The following PLEKHA8 variants were observed in gnomAD, a reference collection of about 807,000 sequenced individuals.
The protein encoded by PLEKHA8 is pleckstrin homology domain-containing family A member 8.
A neutral mutation model predicts 68.2 loss-of-function variants in PLEKHA8; 36 were observed. The ratio of observed to expected loss-of-function variants is 0.53; its 90% CI spans 0.40 to 0.70. The LOEUF (loss-of-function observed/expected upper bound fraction) is 0.70. Ranked by LOEUF, PLEKHA8 falls within the 30% of genes least tolerant of loss-of-function variation. The probability of loss-of-function intolerance (pLI) is 0.00; values close to 1 mark genes in which losing one functional copy is unlikely to be tolerated. For synonymous variants in PLEKHA8, 211 were observed against 216.1 expected (o/e 0.98, Z 0.20); for missense variants, 505 against 615.4 (o/e 0.82, Z 1.90).
intron 1 of PLEKHA8, among the ~76,000 whole-genome samples, chr7:30,042,367 G>T (rs1158674030): frequency 6.6e-6 from 1 of 152,056 alleles, no homozygotes; most frequent in East Asian, 1.9e-4. Context: ...TTTTTCTCTG[G>T]ATAACACTCA....
At chr7:30,112,696 C>CA (rs1436927160) in intron 13 of PLEKHA8, among the ~76,000 whole-genome samples, 1 of 148,944 alleles carries the variant, frequency 6.7e-6, no homozygotes, top group African/African-American at 2.5e-5. Flanking sequence ...GCCTGGGTGA[C>CA]AGACCCAGAC....
chr7:30,051,745 G>A (rs186592173), intron 6 of PLEKHA8, among the ~76,000 whole-genome samples: 34 of 152,216 alleles, frequency 2.2e-4, no homozygotes, highest in East Asian at 1.5e-3. Context: ...AGGCCGAGAC[G>A]GGTGGATCAC....
chr7:30,101,402 G>A (rs1011411266), intron 13 of PLEKHA8, among the ~76,000 whole-genome samples: 4 of 149,032 alleles, frequency 2.7e-5, no homozygotes, highest in Non-Finnish European at 4.5e-5. Context: ...GTCTGAGATC[G>A]TGGTGCCAGC....
exon 14 of PLEKHA8, chr7:30,129,454 C>T (rs975517900): frequency 1.7e-5 from 15 of 907,570 alleles, no homozygotes; most frequent in Non-Finnish European, 2.4e-5. Context: ...CAAAGAGAAA[C>T]TTTATCTTGT....
chr7:30,044,011 A>G (rs1791745742), intron 1 of PLEKHA8, among the ~76,000 whole-genome samples: 1 of 151,832 alleles, frequency 6.6e-6, no homozygotes, highest in Admixed American at 6.6e-5. Flanking sequence ...AACAAGGTTT[A>G]CGCAGAGATA....
Position 30,028,468 on chromosome 7 carries a change from C to T in PLEKHA8, c.-295C>T, listed in dbSNP as rs1352022579. On this transcript the variant is annotated 5_prime_UTR_variant, in exon 1 of 14. Coordinates refer to ENST00000449726, the MANE Select transcript of PLEKHA8 (RefSeq NM_001197026.2). ...CTCGTTCGCCGCACTTTGGAGGCTT[C>T]GGCTGCCCCTCCGACCCACGTAGGG... 1 of 324,406 alleles carries T rather than the reference C, an allele frequency of 3.1e-6. No individual in the cohort carries two copies. The highest frequency in any genetic ancestry group is 5.6e-6 in the Non-Finnish European group (1 of 178,310). 20.1% of individuals were successfully genotyped at this position (324,406 alleles called of 1,614,324 possible).
At chr7:30,115,643 C>CACAT (rs1421952541) in intron 13 of PLEKHA8, among the ~76,000 whole-genome samples, 2 of 150,956 alleles carry the variant, frequency 1.3e-5, no homozygotes, top group Non-Finnish European at 3.0e-5. Context: ...CATACATGCA[C>CACAT]ACATGTACAC....
At chr7:30,049,889 A>G (rs1792271601) in intron 5 of PLEKHA8, among the ~76,000 whole-genome samples, 1 of 152,226 alleles carries the variant, frequency 6.6e-6, no homozygotes, top group African/African-American at 2.4e-5. Context: ...TTCCAGTGCC[A>G]GGAATGCTCT....
chr7:30,036,019 G>T (rs1791042708), intron 1 of PLEKHA8, among the ~76,000 whole-genome samples: 1 of 151,238 alleles, frequency 6.6e-6, no homozygotes, highest in South Asian at 2.2e-4. Flanking sequence ...ACTTTGGGAG[G>T]CCGACATGGG....
In PLEKHA8 at chr7:30,060,923, A is replaced by G. The variant is rs1322643329; in HGVS notation, c.1079A>G (p.Asp360Gly). 1 of 1,613,090 alleles carries G rather than the reference A, an allele frequency of 6.2e-7. No individual in the cohort carries two copies. The highest frequency in any genetic ancestry group is 8.5e-7 in the Non-Finnish European group (1 of 1,179,598). ...ACAGTGTTTGCTCCTGTTAAGATGG[A>G]TCTTGTTGGAAATATTAAGGTGAGC... ...GPTVFAPVKM[D>G]LVGNIKKVNQ... The change falls in exon 10 of 14, where the codon GAT (aspartate) becomes GGT (glycine). Residue 360 changes from aspartate to glycine, a missense_variant. Physicochemically the swap from Asp to Gly is moderately conservative, Grantham distance 94. Coordinates refer to ENST00000449726, the MANE Select transcript of PLEKHA8 (RefSeq NM_001197026.2).
In PLEKHA8 at chr7:30,046,225, A is replaced by G. The variant is rs1169576924; in HGVS notation, c.173A>G (p.Asn58Ser). Reference sequence around the variant, plus strand: ...TTGCTCCCAGTTCATTCTGTAGATAATACACGCATGGACCTGATAATCCCT... The same window carrying G: ...TTGCTCCCAGTTCATTCTGTAGATAGTACACGCATGGACCTGATAATCCCT... Reference protein sequence around the residue: ...VCEIQVHSVDNTRMDLIIPGE... With the variant: ...VCEIQVHSVDSTRMDLIIPGE... Residue 58 changes from asparagine (N) to serine (S), a missense_variant, in exon 3 of 14, where the codon AAT (asparagine) becomes AGT (serine). Asn to Ser is a conservative substitution (Grantham distance 46). Coordinates refer to ENST00000449726, the MANE Select transcript of PLEKHA8 (RefSeq NM_001197026.2). 6.8e-6 allele frequency: 11 copies of G among 1,608,964 alleles called. No individual in the cohort carries two copies. The Admixed American group carries it at 1.5e-4, about 22-fold the overall frequency.
At chr7:30,100,309 G>C (rs1380527277) in intron 13 of PLEKHA8, among the ~76,000 whole-genome samples, 2 of 152,126 alleles carry the variant, frequency 1.3e-5, no homozygotes, top group East Asian at 3.9e-4. Flanking sequence ...CCAGTACTTT[G>C]GGAGGCCAAG....
rs1300674390 is a variant in PLEKHA8, at chr7:30,078,831, A to C, written c.*44A>C. The C allele has an allele frequency of 1.3e-6, 2 of 1,589,954 alleles. No individual in the cohort carries two copies. The highest frequency in any genetic ancestry group is 2.7e-5 in the African/African-American group (2 of 74,194). ...TCCTAACTTCAGGGAATAAGTGCTA[A>C]AGTGTTTTGTTGCCCTACTTAATTT... On this transcript the variant is annotated 3_prime_UTR_variant, in exon 14 of 14. Coordinates refer to ENST00000449726, the MANE Select transcript of PLEKHA8 (RefSeq NM_001197026.2).
At chr7:30,049,139 G>A (rs1792198152) in intron 4 of PLEKHA8, 85 bp from the exon 5 acceptor site, 10 of 1,508,258 alleles carry the variant, frequency 6.6e-6, no homozygotes, top group Non-Finnish European at 9.2e-6. Flanking sequence ...TTATTATTTT[G>A]TGGGCAACCT....
chr7:30,042,887 A>G (rs17158605), intron 1 of PLEKHA8, among the ~76,000 whole-genome samples: 1,607 of 152,342 alleles, frequency 0.011, 23 homozygotes, highest in East Asian at 0.04. Flanking sequence ...TTCTGTGCCC[A>G]ACAAGATACA....
At position 30,052,821 on chromosome 7, in the gene PLEKHA8, G is replaced by A; in HGVS notation, c.751G>A (p.Asp251Asn). ...NSLYLKSAEIDCSISSEENTD... is the reference protein window; with the variant it reads ...NSLYLKSAEINCSISSEENTD... ...CTTATATTTGAAATCTGCAGAGATA[G>A]ACTGCAGCATATCAAGTGAGGAAAA... The change falls in exon 7 of 14, where the codon GAC becomes AAC. Residue 251 changes from aspartate to asparagine, a missense_variant. By Grantham distance (23) the Asp-to-Asn change is conservative. Transcript: ENST00000449726. 3 of 1,576,938 alleles carry A rather than the reference G, an allele frequency of 1.9e-6. No individual in the cohort carries two copies. Among genetic ancestry groups the A allele is most frequent in the Non-Finnish European group, 2.6e-6 (3 of 1,169,108 alleles).
chr7:30,030,008 G>A (rs1293526392), intron 1 of PLEKHA8, among the ~76,000 whole-genome samples: 1 of 152,088 alleles, frequency 6.6e-6, no homozygotes, highest in African/African-American at 2.4e-5. Context: ...TCTTGTTTGC[G>A]TCAAGGACCT....
At chr7:30,056,032 C>T (rs1792826260) in intron 9 of PLEKHA8, among the ~76,000 whole-genome samples, 1 of 150,902 alleles carries the variant, frequency 6.6e-6, no homozygotes, top group African/African-American at 2.4e-5. Flanking sequence ...AAGCTCCGCC[C>T]CCCAGGTTCA....
At chr7:30,119,842 C>T (rs1796666340) in intron 13 of PLEKHA8, among the ~76,000 whole-genome samples, 2 of 152,172 alleles carry the variant, frequency 1.3e-5, no homozygotes, top group African/African-American at 4.8e-5. Context: ...TTGTCACAGT[C>T]TTTAGGATGT....
Sources: gnomAD v4.1 joint callset for allele counts (sites outside exome capture counted in the v4.1 genomes callset) on GRCh38, gnomAD v4.1.1 for gene constraint, MANE v1.5 for transcripts, NCBI Gene and HGNC (gene_info 2026-07-23, HGNC 2026-07-21) for gene names.